The following CAMTA1 variants were observed in gnomAD, a reference collection of about 807,000 sequenced individuals.
CAMTA1 encodes the protein calmodulin binding transcription activator 1.
Under a neutral mutation model 170.9 loss-of-function variants are expected in CAMTA1, and 27 were observed. The ratio of observed to expected loss-of-function variants is 0.16; its 90% confidence interval spans 0.12 to 0.22. CAMTA1 has a LOEUF of 0.22. Ranked by LOEUF, CAMTA1 falls within the 10% of genes least tolerant of loss-of-function variation. The pLI, the probability that CAMTA1 is intolerant of heterozygous loss-of-function variation, is 1.00. For missense variants in CAMTA1, 1,619 were observed against 2,217.2 expected, an observed-to-expected ratio of 0.73 and a Z score of 5.42; for synonymous variants, 833 against 891.5, an observed-to-expected ratio of 0.93 and a Z score of 1.17.
chr1:7,482,376 G>A lies in CAMTA1; in HGVS notation c.510+14475G>A, dbSNP rs540369482. On this transcript the variant is annotated intron_variant, in intron 6 of 22. Coordinates refer to ENST00000303635, the MANE Select transcript of CAMTA1 (RefSeq NM_015215.4). The surrounding 1 kb of genome is among the most constrained non-coding windows in gnomAD (Gnocchi z 4.2). ...CAGGGCCAGGTCACTACTTCCTGGG[G>A]TTTCTCCTAGGCTCTCCCACAGCTG... Among the ~76,000 whole-genome samples, 1 of 152,246 alleles carries A rather than the reference G, an allele frequency of 6.6e-6. No individual in the cohort carries two copies. Among genetic ancestry groups the A allele is most frequent in the East Asian group, 1.9e-4 (1 of 5,154 alleles).
At chr1:7,715,432 C>CTTTTTTTTTTTTTTTTT (rs34965685) in intron 11 of CAMTA1, among the ~76,000 whole-genome samples, 1 of 142,276 alleles carries the variant, frequency 7.0e-6, no homozygotes. Context: ...TAGCCACACA[C>CTTTTTTTTTTTTTTTTT]TTTTTTTTTT....
At chr1:6,967,699 C>G (rs1691804266) in intron 3 of CAMTA1, among the ~76,000 whole-genome samples, 1 of 152,160 alleles carries the variant, frequency 6.6e-6, no homozygotes, top group Admixed American at 6.5e-5. Flanking sequence ...GCTGAGGCTG[C>G]TGTGGAGAGG....
At chr1:7,089,099 C>T (rs775417590) in intron 3 of CAMTA1, among the ~76,000 whole-genome samples, 1 of 152,180 alleles carries the variant, frequency 6.6e-6, no homozygotes, top group African/African-American at 2.4e-5. Flanking sequence ...GGCTGCTAGA[C>T]AGGTGGCTCA....
At chr1:6,790,958 T>C (rs925959418) in intron 1 of CAMTA1, among the ~76,000 whole-genome samples, 8 of 152,216 alleles carry the variant, frequency 5.3e-5, no homozygotes, top group African/African-American at 1.9e-4. Flanking sequence ...TTGTGAAAAC[T>C]CCTGTGTGAG....
At chr1:7,282,604 C>G (rs1671676538) in intron 5 of CAMTA1, among the ~76,000 whole-genome samples, 1 of 152,182 alleles carries the variant, frequency 6.6e-6, no homozygotes, top group Non-Finnish European at 1.5e-5. Flanking sequence ...GGTGACCTCT[C>G]TGGCCACTCC....
At chr1:6,940,624 A>G (rs542390335) in intron 3 of CAMTA1, among the ~76,000 whole-genome samples, 1 of 152,304 alleles carries the variant, frequency 6.6e-6, no homozygotes, top group Admixed American at 6.5e-5. Context: ...AGGGTCTGTG[A>G]ATCGTTCAGC....
Position 7,565,205 on chromosome 1 carries a change from C to T in CAMTA1, c.511-75195C>T, listed in dbSNP as rs555919465. Among the ~76,000 whole-genome samples the T allele has an allele frequency of 1.3e-5, 2 of 152,282 alleles. No homozygotes were observed. Among genetic ancestry groups the T allele is most frequent in the Admixed American group, 1.3e-4 (2 of 15,306 alleles). On this transcript the variant is annotated intron_variant, in intron 6 of 22. Coordinates refer to ENST00000303635, the MANE Select transcript of CAMTA1 (RefSeq NM_015215.4). The surrounding 1 kb of genome is among the most constrained non-coding windows in gnomAD (Gnocchi z 4.5). ...ATCACTGGGGCAGAAGGTGGGATCT[C>T]CATCTGTCCCTCCTCATTCCCCGGA... is the stretch of plus-strand genomic sequence containing the variant.
intron 6 of CAMTA1, among the ~76,000 whole-genome samples, chr1:7,579,673 C>T (rs2095242066): frequency 6.7e-6 from 1 of 150,312 alleles, no homozygotes; most frequent in Non-Finnish European, 1.5e-5. Flanking sequence ...GATTCCCTCA[C>T]CTCAACCTCC....
At chr1:6,987,903 G>A (rs143485489) in intron 3 of CAMTA1, among the ~76,000 whole-genome samples, 2,906 of 152,166 alleles carry the variant, frequency 0.019, 36 homozygotes, top group Middle Eastern at 0.041. Flanking sequence ...GGCATCATCC[G>A]CAGCAAGAGC....
chr1:6,866,044 T>C (rs1365265478), intron 3 of CAMTA1, among the ~76,000 whole-genome samples: 1 of 152,226 alleles, frequency 6.6e-6, no homozygotes, highest in Non-Finnish European at 1.5e-5. Context: ...ATTCACATTT[T>C]AGCAGCTTTG....
chr1:7,492,835 ACACG>A lies in CAMTA1; in HGVS notation c.510+24938_510+24941del, dbSNP rs1357862325. On this transcript the variant is annotated intron_variant, in intron 6 of 22. Coordinates refer to ENST00000303635, the MANE Select transcript of CAMTA1 (RefSeq NM_015215.4). ...CGCGCACAGACACACAAACATACAA[ACACG>A]CACACGCACAAACACAAACCTACAA... Among the ~76,000 whole-genome samples, 4 of 150,648 alleles carry A rather than the reference ACACG, an allele frequency of 2.7e-5. No homozygotes were observed. In the East Asian group the frequency reaches 7.8e-4, roughly 30 times the overall value.
chr1:7,023,402 A>G (rs1166897473), intron 3 of CAMTA1, among the ~76,000 whole-genome samples: 1 of 152,236 alleles, frequency 6.6e-6, no homozygotes, highest in Non-Finnish European at 1.5e-5. Context: ...TTAGGCAAAA[A>G]TTACAAAGCA....
rs1382850088 is a variant in CAMTA1 at position 7,573,748 on chromosome 1, CA to C, written c.511-66651del. Among the ~76,000 whole-genome samples the C allele has an allele frequency of 6.9e-4, 105 of 152,276 alleles. 1 individual carries two copies. Among genetic ancestry groups the C allele is most frequent in the African/African-American group, 2.5e-3 (102 of 41,550 alleles). Reference sequence around the variant, plus strand: ...CTAGGACCACTCTACCGCAGCATGACATCATCGTTTTTTGGGTTTTTTTGGG... The same window carrying C: ...CTAGGACCACTCTACCGCAGCATGACTCATCGTTTTTTGGGTTTTTTTGGG... On this transcript the variant is annotated intron_variant, in intron 6 of 22. Transcript: ENST00000303635.
In CAMTA1 at chr1:7,644,895, A is replaced by G. The variant is rs996622180; in HGVS notation, c.664+4342A>G. Among the ~76,000 whole-genome samples, 4 of 152,238 alleles carry G rather than the reference A, an allele frequency of 2.6e-5. No individual in the cohort carries two copies. In the East Asian group the frequency reaches 7.7e-4, roughly 29 times the overall value. On this transcript the variant is annotated intron_variant, in intron 7 of 22. Transcript: ENST00000303635. ...AGCCTGGGGTGCCCCTGTGGGCTTC[A>G]GCTTTCTGGCTTATAGTGCACAGAA...
intron 4 of CAMTA1, among the ~76,000 whole-genome samples, chr1:7,097,717 C>A (rs1477638858): frequency 6.6e-6 from 1 of 152,322 alleles, no homozygotes; most frequent in Middle Eastern, 3.4e-3. Context: ...CTGGATGAAG[C>A]TTGAAGACGT....
At chr1:6,848,165 T>G (rs1659013444) in intron 3 of CAMTA1, among the ~76,000 whole-genome samples, 1 of 152,032 alleles carries the variant, frequency 6.6e-6, no homozygotes, top group Non-Finnish European at 1.5e-5. Flanking sequence ...AACAGATTTT[T>G]TTGTTGTTGT....
At chr1:7,237,443 A>C (rs1388853507) in intron 4 of CAMTA1, among the ~76,000 whole-genome samples, 1 of 152,130 alleles carries the variant, frequency 6.6e-6, no homozygotes, top group East Asian at 1.9e-4. Context: ...CCTGGAAATG[A>C]TCAGTTAGTG....
intron 5 of CAMTA1, among the ~76,000 whole-genome samples, chr1:7,359,039 C>T (rs2085342885): frequency 6.6e-6 from 1 of 152,184 alleles, no homozygotes; most frequent in Non-Finnish European, 1.5e-5. Context: ...CTAGAAAGTT[C>T]TAGAGGCTTT....
At position 7,419,030 on chromosome 1, in the gene CAMTA1, G is replaced by A. The variant is rs77905182; in HGVS notation, c.439-48800G>A. Among the ~76,000 whole-genome samples the A allele has an allele frequency of 6.2e-4, 94 of 152,308 alleles. 1 individual carries two copies. In the East Asian group the frequency reaches 0.015, roughly 24 times the overall value. Reference sequence around the variant, plus strand: ...CTCAAATTAAAAGCCCAGTCACTGCGGCCTCTGTATTCCTAACCTCAGAGC... The same window carrying A: ...CTCAAATTAAAAGCCCAGTCACTGCAGCCTCTGTATTCCTAACCTCAGAGC... On this transcript the variant is annotated intron_variant, in intron 5 of 22. Transcript: ENST00000303635.
Sources: allele counts gnomAD v4.1 joint callset (sites outside exome capture counted in the v4.1 genomes callset), GRCh38; gene constraint gnomAD v4.1.1; non-coding constraint Gnocchi (gnomAD v3.1); transcripts MANE v1.5; gene names NCBI Gene and HGNC (gene_info 2026-07-23, HGNC 2026-07-21).